The following CRTAC1 variants were observed in gnomAD, a reference collection of about 807,000 sequenced individuals.
CRTAC1 encodes the protein acidic secreted protein in cartilage.
CRTAC1 carries 37 observed loss-of-function variants against 67.8 expected under a neutral mutation model. That is an observed-to-expected ratio of 0.55 (90% CI 0.42 to 0.72). The LOEUF is 0.72. CRTAC1 is among the 30% of genes least tolerant of loss of function. The probability of loss-of-function intolerance (pLI) is 0.00; values close to 1 mark genes in which losing one functional copy is unlikely to be tolerated. For synonymous variants in CRTAC1, 348 were observed against 371.0 expected (o/e 0.94, Z 0.71); for missense variants, 780 against 931.6 (o/e 0.84, Z 2.12).
intron 2 of CRTAC1, among the ~76,000 whole-genome samples, chr10:97,956,178 C>T (rs117951639): frequency 1.2e-3 from 182 of 152,318 alleles, no homozygotes; most frequent in Non-Finnish European, 2.0e-3. Context: ...CTGCTTAAAG[C>T]ACAGGTTCTG....
At chr10:97,948,968 T>C (rs1381001331) in intron 2 of CRTAC1, among the ~76,000 whole-genome samples, 1 of 152,142 alleles carries the variant, frequency 6.6e-6, no homozygotes, top group Non-Finnish European at 1.5e-5. Context: ...AAAGACAGCA[T>C]GGGGGTAACT....
chr10:97,867,149 G>C (rs1263328567), intron 14 of CRTAC1: 1 of 152,188 alleles, frequency 6.6e-6, no homozygotes, highest in African/African-American at 2.4e-5. Flanking sequence ...CTGCCCAGGG[G>C]CTGGGGCTCT....
intron 5 of CRTAC1, among the ~76,000 whole-genome samples, chr10:97,914,600 T>C (rs532275696): frequency 1.3e-5 from 2 of 152,098 alleles, no homozygotes; most frequent in Non-Finnish European, 2.9e-5. Context: ...TAGTTCAATG[T>C]CCTCAGAAAA....
chr10:98,008,033 G>A (rs762977802), intron 2 of CRTAC1, among the ~76,000 whole-genome samples: 3 of 152,166 alleles, frequency 2.0e-5, no homozygotes, highest in Non-Finnish European at 4.4e-5. Context: ...ACAGGGCTCA[G>A]GGAACTGACC....
intron 8 of CRTAC1, among the ~76,000 whole-genome samples, chr10:97,899,088 G>C (rs1000844742): frequency 2.0e-5 from 3 of 152,194 alleles, no homozygotes; most frequent in African/African-American, 7.2e-5. Flanking sequence ...AGCCCACAGT[G>C]CCTGTTCAGT....
intron 8 of CRTAC1, among the ~76,000 whole-genome samples, chr10:97,898,822 C>T (rs1240610214): frequency 6.6e-6 from 1 of 152,038 alleles, no homozygotes. Flanking sequence ...AGGGGGTGAC[C>T]CTGCACACCG....
chr10:97,924,169 C>G (rs1028446443), intron 3 of CRTAC1, among the ~76,000 whole-genome samples: 6 of 152,092 alleles, frequency 3.9e-5, no homozygotes, highest in Admixed American at 1.3e-4. Flanking sequence ...GACTAAGAAG[C>G]CTTGTTCTGG....
chr10:97,884,840 A>G (rs2050259334), intron 11 of CRTAC1, among the ~76,000 whole-genome samples: 1 of 152,182 alleles, frequency 6.6e-6, no homozygotes, highest in South Asian at 2.1e-4. Context: ...CATTCAAATC[A>G]TGGCTCTACC....
At chr10:97,944,533 C>T (rs183995766) in intron 2 of CRTAC1, among the ~76,000 whole-genome samples, 4 of 152,264 alleles carry the variant, frequency 2.6e-5, no homozygotes, top group Admixed American at 2.0e-4. Context: ...CATTTGTGCT[C>T]TAAGTGAGGG....
chr10:98,014,644 C>T (rs1590293592), intron 1 of CRTAC1, among the ~76,000 whole-genome samples: 1 of 152,140 alleles, frequency 6.6e-6, no homozygotes, highest in East Asian at 1.9e-4. Context: ...TGACTCAAAA[C>T]AAATGACTTG....
chr10:98,008,465 G>A (rs921580097), intron 2 of CRTAC1, among the ~76,000 whole-genome samples: 63 of 152,102 alleles, frequency 4.1e-4, no homozygotes, highest in African/African-American at 1.5e-3. Context: ...GCAACAGCCA[G>A]GGCAGAAAGA....
intron 2 of CRTAC1, among the ~76,000 whole-genome samples, chr10:97,944,944 G>T (rs1287912093): frequency 6.6e-6 from 1 of 152,244 alleles, no homozygotes; most frequent in Non-Finnish European, 1.5e-5. Flanking sequence ...AGCTAAGTGA[G>T]TGACACCAGC....
intron 2 of CRTAC1, among the ~76,000 whole-genome samples, chr10:97,949,766 C>G (rs2051322233): frequency 6.6e-6 from 1 of 152,230 alleles, no homozygotes; most frequent in African/African-American, 2.4e-5. Flanking sequence ...GTCAAGCCAC[C>G]TAACCTGTCC....
intron 12 of CRTAC1, 61 bp downstream of exon 12, chr10:97,884,144 GC>G: frequency 6.6e-7 from 1 of 1,524,382 alleles, no homozygotes; most frequent in Non-Finnish European, 8.8e-7. Flanking sequence ...CCCAGCTTCA[GC>G]CCATGGGGTT....
intron 1 of CRTAC1, among the ~76,000 whole-genome samples, chr10:98,015,468 A>G (rs1177296192): frequency 6.6e-6 from 1 of 152,206 alleles, no homozygotes; most frequent in African/African-American, 2.4e-5. Context: ...TAACATCACT[A>G]AAGTATATAC....
At chr10:97,982,320 G>T (rs2051904862) in intron 2 of CRTAC1, among the ~76,000 whole-genome samples, 2 of 152,136 alleles carry the variant, frequency 1.3e-5, no homozygotes, top group South Asian at 2.1e-4. Context: ...GTCAAACAAG[G>T]TTGGGTTTCA....
intron 11 of CRTAC1, among the ~76,000 whole-genome samples, chr10:97,892,518 G>A (rs7475163): frequency 3.9e-5 from 6 of 152,178 alleles, no homozygotes; most frequent in Admixed American, 6.5e-5. Flanking sequence ...TCAGGGAGGT[G>A]GGATCCAAAT....
chr10:98,002,924 G>A (rs866609753), intron 2 of CRTAC1, among the ~76,000 whole-genome samples: 6 of 150,454 alleles, frequency 4.0e-5, no homozygotes, highest in Admixed American at 2.6e-4. Context: ...GACTACAGGC[G>A]CCCGCCACCA....
At chr10:97,918,386 C>A (rs1318338768) in intron 4 of CRTAC1, among the ~76,000 whole-genome samples, 1 of 152,192 alleles carries the variant, frequency 6.6e-6, no homozygotes, top group Non-Finnish European at 1.5e-5. Flanking sequence ...ATGAAAGACT[C>A]TTCTCTTCTG....
Sources: allele counts gnomAD v4.1 joint callset (sites outside exome capture counted in the v4.1 genomes callset), GRCh38; gene constraint gnomAD v4.1.1; transcripts MANE v1.5; gene names NCBI Gene and HGNC (gene_info 2026-07-23, HGNC 2026-07-21).